Variants in SLC44A5 observed in about 807,000 individuals in gnomAD.
SLC44A5 encodes the protein solute carrier family 44 member 5, also known as choline transporter-like protein 5.
Under a neutral mutation model 101.8 loss-of-function variants are expected in SLC44A5, and 57 were observed. The ratio of observed to expected loss-of-function variants is 0.56; its 90% CI spans 0.45 to 0.70. SLC44A5 has a LOEUF of 0.70. Among genes scored for constraint, SLC44A5 ranks in the 30% least tolerant of loss-of-function variants. The pLI, the probability that SLC44A5 is intolerant of heterozygous loss-of-function variation, is 0.00. For missense variants in SLC44A5, 737 were observed against 853.1 expected (o/e 0.86, Z 1.70); for synonymous variants, 281 against 290.9 (o/e 0.97, Z 0.35).
At chr1:75,281,989 A>G (rs978745738) in intron 5 of SLC44A5, among the ~76,000 whole-genome samples, 5 of 152,198 alleles carry the variant, frequency 3.3e-5, no homozygotes, top group African/African-American at 1.2e-4. Context: ...AGCTGTTAGA[A>G]GAGGCCCACC....
At chr1:75,506,635 T>A (rs1216650074) in intron 2 of SLC44A5, among the ~76,000 whole-genome samples, 1 of 152,150 alleles carries the variant, frequency 6.6e-6, no homozygotes, top group Non-Finnish European at 1.5e-5. Flanking sequence ...TTGGTTTGAC[T>A]CTCAGCTTGA....
At chr1:75,517,107 A>G (rs1669878683) in intron 2 of SLC44A5, among the ~76,000 whole-genome samples, 1 of 152,186 alleles carries the variant, frequency 6.6e-6, no homozygotes, top group Non-Finnish European at 1.5e-5. Context: ...TTTAAAGTGA[A>G]TCTACATTTG....
intron 2 of SLC44A5, among the ~76,000 whole-genome samples, chr1:75,417,512 G>A (rs946280120): frequency 2.0e-5 from 3 of 152,216 alleles, no homozygotes; most frequent in Middle Eastern, 3.2e-3. Context: ...TATGTTTATG[G>A]ACTAAATAAC....
intron 1 of SLC44A5, among the ~76,000 whole-genome samples, chr1:75,588,153 T>C (rs1289679800): frequency 1.3e-5 from 2 of 151,280 alleles, no homozygotes; most frequent in Non-Finnish European, 1.5e-5. Flanking sequence ...ACTTTGACTA[T>C]GTTGCAGCAC....
chr1:75,363,579 T>G (rs561371510), intron 3 of SLC44A5, among the ~76,000 whole-genome samples: 9 of 152,278 alleles, frequency 5.9e-5, no homozygotes, highest in African/African-American at 2.2e-4. Flanking sequence ...CTCCTTATAT[T>G]TTATGATATT....
the SLC44A5 span, among the ~76,000 whole-genome samples, chr1:75,644,526 A>C: frequency 6.6e-6 from 1 of 151,928 alleles, no homozygotes; most frequent in Non-Finnish European, 1.5e-5. Flanking sequence ...AGTGGAAAAA[A>C]GATTTATTTC....
chr1:75,209,118 A>G (rs545378490), intron 23 of SLC44A5, among the ~76,000 whole-genome samples: 19 of 152,184 alleles, frequency 1.2e-4, no homozygotes, highest in Non-Finnish European at 2.5e-4. Flanking sequence ...GAAATGATTC[A>G]TGTCAACATG....
At chr1:75,330,981 T>C (rs1423001169) in intron 4 of SLC44A5, among the ~76,000 whole-genome samples, 1 of 151,862 alleles carries the variant, frequency 6.6e-6, no homozygotes. Flanking sequence ...TTTTTTTTTT[T>C]TTGGCTTCTA....
intron 4 of SLC44A5, among the ~76,000 whole-genome samples, chr1:75,302,104 GTTTTTTTGTTT>G (rs1455912994): frequency 5.6e-4 from 28 of 49,612 alleles, no homozygotes; most frequent in African/African-American, 2.4e-3. Context: ...AGGTGCTCTA[GTTTTTTTGTTT>G]TTTTTTTTTT....
At chr1:75,321,595 T>C (rs941870845) in intron 4 of SLC44A5, among the ~76,000 whole-genome samples, 4 of 152,118 alleles carry the variant, frequency 2.6e-5, no homozygotes, top group Admixed American at 2.6e-4. Context: ...ACACTGAGGA[T>C]TGGGGTTTCA....
rs148980825 is a variant in SLC44A5, at chr1:75,540,896, G to T, written c.13+539C>A. ...AAGGGGCTTAAAATCTAACTATGGG[G>T]ACAGAAACTGAATCAGGGCTAAGTT... On this transcript the variant is annotated intron_variant, in intron 2 of 23. Coordinates refer to ENST00000370859, the MANE Select transcript of SLC44A5 (RefSeq NM_001130058.2). 2.0e-3 allele frequency among the ~76,000 whole-genome samples: 303 copies of T among 152,236 alleles called. 1 individual carries two copies. Among genetic ancestry groups the T allele is most frequent in the African/African-American group, 6.7e-3 (278 of 41,548 alleles).
chr1:75,468,540 C>A (rs565546083), intron 2 of SLC44A5, among the ~76,000 whole-genome samples: 1 of 152,284 alleles, frequency 6.6e-6, no homozygotes, highest in South Asian at 2.1e-4. Context: ...AATTGGAGGT[C>A]ATTATGCTAA....
the SLC44A5 span, among the ~76,000 whole-genome samples, chr1:75,669,120 T>G: frequency 0.011 from 1,613 of 151,800 alleles, 85 homozygotes; most frequent in African/African-American, 0.037. Flanking sequence ...CATCTGTCTA[T>G]TTTTCTTGAG....
At chr1:75,518,462 C>T (rs1239360398) in intron 2 of SLC44A5, among the ~76,000 whole-genome samples, 2 of 152,006 alleles carry the variant, frequency 1.3e-5, no homozygotes, top group African/African-American at 4.8e-5. Context: ...CTCAATAACC[C>T]GTAAGCTGTT....
the SLC44A5 span, among the ~76,000 whole-genome samples, chr1:75,633,676 T>G: frequency 1.3e-4 from 19 of 151,906 alleles, no homozygotes; most frequent in African/African-American, 4.4e-4. Context: ...ACAGGGACAA[T>G]TTGACTTCCT....
chr1:75,283,938 A>T (rs1389858096), intron 5 of SLC44A5, among the ~76,000 whole-genome samples: 3 of 151,882 alleles, frequency 2.0e-5, no homozygotes, highest in African/African-American at 7.3e-5. Context: ...GTGATCTGTG[A>T]TCCCTTCAGA....
chr1:75,692,681 A>G, the SLC44A5 span, among the ~76,000 whole-genome samples: 2 of 152,204 alleles, frequency 1.3e-5, no homozygotes. Flanking sequence ...GTATTAGAAC[A>G]TTATTATCTA....
At chr1:75,455,193 G>C (rs151186679) in intron 2 of SLC44A5, among the ~76,000 whole-genome samples, 3 of 152,020 alleles carry the variant, frequency 2.0e-5, no homozygotes, top group African/African-American at 7.2e-5. Context: ...ACAGAATAGA[G>C]AACTCAGAAA....
At chr1:75,655,450 A>G in the SLC44A5 span, among the ~76,000 whole-genome samples, 3 of 152,322 alleles carry the variant, frequency 2.0e-5, no homozygotes, top group Admixed American at 6.5e-5. Flanking sequence ...CCAGCTTCCT[A>G]AAGTGGCCTT....
Sources: allele counts gnomAD v4.1 joint callset (sites outside exome capture counted in the v4.1 genomes callset), GRCh38; gene constraint gnomAD v4.1.1; transcripts MANE v1.5; gene names NCBI Gene and HGNC (gene_info 2026-07-23, HGNC 2026-07-21).